Variants in IGSF5 observed in about 807,000 individuals in gnomAD.
IGSF5 encodes immunoglobulin superfamily member 5, also known as immunoglobulin superfamily 5 like.
Under a neutral mutation model 39.4 loss-of-function variants are expected in IGSF5, and 41 were observed. That is an observed-to-expected ratio of 1.04 (90% CI 0.81 to 1.35). The LOEUF (loss-of-function observed/expected upper bound fraction) is 1.35, where lower values mean the gene tolerates loss of function less well. IGSF5 is among the 40% of genes most tolerant of loss of function. The pLI is 0.00. For missense variants in IGSF5, 487 were observed against 494.6 expected, an observed-to-expected ratio of 0.98 and a Z score of 0.15; for synonymous variants, 183 against 175.3, an observed-to-expected ratio of 1.04 and a Z score of -0.34.
At chr21:39,762,538 G>T (rs770630647) in intron 2 of IGSF5, among the ~76,000 whole-genome samples, 11 of 152,124 alleles carry the variant, frequency 7.2e-5, no homozygotes, top group Non-Finnish European at 1.3e-4. Context: ...GGCACAGAGA[G>T]AATAGATCAT....
the IGSF5 span, among the ~76,000 whole-genome samples, chr21:39,719,927 A>G: frequency 1.3e-3 from 195 of 152,374 alleles, 1 homozygote; most frequent in Non-Finnish European, 2.0e-3. Flanking sequence ...GCAATTCGAC[A>G]TGTGGAAACA....
At chr21:39,739,275 G>T in the IGSF5 span, among the ~76,000 whole-genome samples, 2 of 150,512 alleles carry the variant, frequency 1.3e-5, no homozygotes, top group African/African-American at 2.5e-5. Flanking sequence ...GCAGTTGAAA[G>T]ATTTAATAGA....
chr21:39,799,774 C>A (rs1164171381), intron 8 of IGSF5, among the ~76,000 whole-genome samples: 1 of 152,106 alleles, frequency 6.6e-6, no homozygotes, highest in African/African-American at 2.4e-5. Context: ...CTTAATTAAC[C>A]CTTCCATATT....
chr21:39,749,563 A>G (rs1734857), intron 2 of IGSF5, among the ~76,000 whole-genome samples: 109,315 of 152,126 alleles, frequency 0.72, 41,577 homozygotes, highest in Non-Finnish European at 0.84. Flanking sequence ...GGACGCACCT[A>G]TGACACAGCC....
chr21:39,720,020 C>T, the IGSF5 span, among the ~76,000 whole-genome samples: 1 of 152,206 alleles, frequency 6.6e-6, no homozygotes, highest in Non-Finnish European at 1.5e-5. Flanking sequence ...TAGTTTTATA[C>T]ATACAGAAAC....
chr21:39,715,036 C>A, the IGSF5 span, among the ~76,000 whole-genome samples: 1 of 131,660 alleles, frequency 7.6e-6, no homozygotes. Context: ...CCTTTTTTCT[C>A]CCTTTCCTTT....
At chr21:39,763,902 A>T (rs966637073) in intron 2 of IGSF5, among the ~76,000 whole-genome samples, 1 of 152,142 alleles carries the variant, frequency 6.6e-6, no homozygotes, top group African/African-American at 2.4e-5. Flanking sequence ...CAAAAATCAA[A>T]GTTCAAAGAG....
chr21:39,791,928 A>G, intron 6 of IGSF5, 80 bp from the exon 7 acceptor site: 11 of 859,504 alleles, frequency 1.3e-5, no homozygotes, highest in Non-Finnish European at 2.1e-5. Context: ...CACGTGAACT[A>G]CGTAGGTATC....
intron 4 of IGSF5, 40 bp from the exon 5 acceptor site, chr21:39,779,050 C>T (rs1384837109): frequency 6.3e-7 from 1 of 1,596,150 alleles, no homozygotes; most frequent in Admixed American, 1.7e-5. Flanking sequence ...TGATTCTAGG[C>T]AGTGCAAGTA....
At chr21:39,727,394 G>T in the IGSF5 span, among the ~76,000 whole-genome samples, 3 of 152,202 alleles carry the variant, frequency 2.0e-5, no homozygotes, top group African/African-American at 7.2e-5. Flanking sequence ...GGCTATGGTT[G>T]CTACCAGGGG....
At chr21:39,791,398 T>C (rs1263008354) in intron 6 of IGSF5, among the ~76,000 whole-genome samples, 2 of 152,184 alleles carry the variant, frequency 1.3e-5, no homozygotes, top group Non-Finnish European at 2.9e-5. Context: ...AGAGGTCAAG[T>C]GTGACTATTT....
chr21:39,743,761 C>T (rs900413743), upstream of IGSF5, among the ~76,000 whole-genome samples: 18 of 152,268 alleles, frequency 1.2e-4, no homozygotes, highest in African/African-American at 3.9e-4. Flanking sequence ...CTCCATTTGC[C>T]TTCTTTTCTA....
At chr21:39,787,980 T>G (rs1408926356) in intron 5 of IGSF5, among the ~76,000 whole-genome samples, 187 bp from the exon 6 acceptor site, 1 of 152,194 alleles carries the variant, frequency 6.6e-6, no homozygotes, top group African/African-American at 2.4e-5. Context: ...TAGTTAACAG[T>G]GAATTCTACT....
chr21:39,712,532 C>G, the IGSF5 span, among the ~76,000 whole-genome samples: 1 of 152,066 alleles, frequency 6.6e-6, no homozygotes, highest in Admixed American at 6.6e-5. Flanking sequence ...ATACTGGGGG[C>G]TCAGGGTTGT....
chr21:39,780,090 G>T (rs965129974), intron 5 of IGSF5, among the ~76,000 whole-genome samples: 1 of 152,142 alleles, frequency 6.6e-6, no homozygotes, highest in African/African-American at 2.4e-5. Context: ...TGAGATGATG[G>T]TTATATGAAT....
At chr21:39,740,994 G>A (rs1278410284), upstream of IGSF5, among the ~76,000 whole-genome samples, 1 of 152,176 alleles carries the variant, frequency 6.6e-6, no homozygotes, top group Non-Finnish European at 1.5e-5. Flanking sequence ...CAATGAGGCT[G>A]ACCCTTTGCC....
At chr21:39,767,854 G>A (rs1279857595) in intron 3 of IGSF5, among the ~76,000 whole-genome samples, 2 of 152,188 alleles carry the variant, frequency 1.3e-5, no homozygotes, top group African/African-American at 2.4e-5. Flanking sequence ...CATGGAGAAG[G>A]TGCCATTGGA....
chr21:39,772,761 C>T (rs62237181), intron 4 of IGSF5, among the ~76,000 whole-genome samples: 12,159 of 152,196 alleles, frequency 0.08, 579 homozygotes, highest in East Asian at 0.19. Flanking sequence ...CATACTTTGA[C>T]TTAGGTTACA....
At chr21:39,730,433 T>G in the IGSF5 span, 2 of 152,162 alleles carry the variant, frequency 1.3e-5, no homozygotes, top group Non-Finnish European at 2.9e-5. Context: ...GGTTTGGACT[T>G]CAACATGTCT....
Sources: gnomAD v4.1 joint callset for allele counts (sites outside exome capture counted in the v4.1 genomes callset) on GRCh38, gnomAD v4.1.1 for gene constraint, MANE v1.5 for transcripts, NCBI Gene and HGNC (gene_info 2026-07-23, HGNC 2026-07-21) for gene names.